DGKH: variants seen among roughly 807,000 people sequenced by gnomAD.
The protein encoded by DGKH is DAG kinase eta.
Under a neutral mutation model 159.3 loss-of-function variants are expected in DGKH, and 90 were observed. The observed-to-expected ratio is 0.57, with a 90% CI of 0.48 to 0.67. The LOEUF is 0.67. DGKH is among the 30% of genes least tolerant of loss of function. DGKH has a pLI of 0.00. For synonymous variants in DGKH, 536 were observed against 553.8 expected, an observed-to-expected ratio of 0.97 and a Z score of 0.45; for missense variants, 1,181 against 1,506.1, an observed-to-expected ratio of 0.78 and a Z score of 3.57.
chr13:42,114,870 A>T (rs1161270640), intron 1 of DGKH, among the ~76,000 whole-genome samples: 1 of 152,214 alleles, frequency 6.6e-6, no homozygotes. Context: ...ACTTTGTATC[A>T]GTCCCACTAA....
intron 30 of DGKH, chr13:42,252,521 G>A (rs903129234): frequency 2.0e-5 from 3 of 152,474 alleles, no homozygotes; most frequent in Admixed American, 1.3e-4. Context: ...TATCCCAAGC[G>A]AATGAATTGG....
chr13:42,227,428 A>C (rs1373401866), intron 29 of DGKH, among the ~76,000 whole-genome samples: 1 of 152,178 alleles, frequency 6.6e-6, no homozygotes, highest in Non-Finnish European at 1.5e-5. Context: ...AAAATATTTA[A>C]TATTTAAATA....
At chr13:42,106,763 G>C (rs1954766462) in intron 1 of DGKH, among the ~76,000 whole-genome samples, 1 of 152,156 alleles carries the variant, frequency 6.6e-6, no homozygotes, top group Non-Finnish European at 1.5e-5. Flanking sequence ...GAAAAAAGAG[G>C]CTGGGCGCGG....
At chr13:42,044,882 T>C (rs547584956), upstream of DGKH, among the ~76,000 whole-genome samples, 25 of 152,282 alleles carry the variant, frequency 1.6e-4, no homozygotes, top group African/African-American at 5.5e-4. Context: ...TAGAAAGATA[T>C]TTAGCCAAAC....
Position 42,190,474 on chromosome 13 carries a change from G to C in DGKH, c.1984G>C (p.Asp662His), listed in dbSNP as rs1239498010. ...QSSDYDSTET[D>H]ESKEEAKDDG... ...CTCTGATTATGACAGCACAGAAACA[G>C]ATGAATCTAAGGAGGAAGCTAAAGA... Residue 662 changes from aspartate to histidine, a missense_variant, in exon 16 of 30, where the codon GAT becomes CAT. By Grantham distance (81) the Asp-to-His change is moderately conservative. Transcript: ENST00000337343. 1.9e-6 allele frequency: 3 copies of C among 1,611,574 alleles called. No individual in the cohort carries two copies. The East Asian group carries it at 6.7e-5, about 36-fold the overall frequency.
chr13:42,054,047 G>A (rs9525564), intron 1 of DGKH, among the ~76,000 whole-genome samples: 85,082 of 152,142 alleles, frequency 0.56, 25,141 homozygotes, highest in African/African-American at 0.75. Context: ...GTATATGAAA[G>A]TATTGATTTG....
intron 1 of DGKH, among the ~76,000 whole-genome samples, chr13:42,088,273 G>C (rs1430918544): frequency 6.6e-6 from 1 of 152,146 alleles, no homozygotes; most frequent in African/African-American, 2.4e-5. Flanking sequence ...TTTAAAGGAA[G>C]CTATCTAGGC....
chr13:42,148,816 A>G (rs1955802246), intron 3 of DGKH, among the ~76,000 whole-genome samples: 2 of 151,858 alleles, frequency 1.3e-5, no homozygotes, highest in Admixed American at 1.3e-4. Context: ...CTCTTCTTCA[A>G]TGTGCTCATG....
At chr13:42,092,025 C>T (rs1440495480) in intron 1 of DGKH, among the ~76,000 whole-genome samples, 1 of 152,096 alleles carries the variant, frequency 6.6e-6, no homozygotes, top group Admixed American at 6.5e-5. Flanking sequence ...ATAGTCTTAC[C>T]AGCACTGTAT....
chr13:42,136,661 T>A (rs549425642), intron 3 of DGKH, among the ~76,000 whole-genome samples: 7 of 152,224 alleles, frequency 4.6e-5, no homozygotes, highest in Non-Finnish European at 1.0e-4. Flanking sequence ...ATAGGTAATT[T>A]AATTCATTTA....
chr13:42,111,577 CA>C (rs976001748), intron 1 of DGKH, among the ~76,000 whole-genome samples: 6 of 149,322 alleles, frequency 4.0e-5, no homozygotes, highest in Non-Finnish European at 1.5e-5. Context: ...GACTCCATCT[CA>C]AAAAAAAATA....
At chr13:42,116,716 CAG>C (rs1042870056) in intron 1 of DGKH, among the ~76,000 whole-genome samples, 14 of 152,192 alleles carry the variant, frequency 9.2e-5, no homozygotes, top group African/African-American at 2.9e-4. Context: ...ACTTGTGACA[CAG>C]AGGCGTTTCT....
chr13:42,090,164 A>G (rs1954389354), intron 1 of DGKH, among the ~76,000 whole-genome samples: 1 of 152,204 alleles, frequency 6.6e-6, no homozygotes, highest in African/African-American at 2.4e-5. Flanking sequence ...GCATCTGAGG[A>G]GGGAAAACTG....
chr13:42,219,595 A>G, intron 27 of DGKH, 91 bp from the exon 28 acceptor site: 1 of 1,315,590 alleles, frequency 7.6e-7, no homozygotes, highest in Non-Finnish European at 1.0e-6. Context: ...TTTAGTGTTT[A>G]TAACTTATTC....
intron 1 of DGKH, among the ~76,000 whole-genome samples, chr13:42,094,427 G>A (rs1954482218): frequency 6.6e-6 from 1 of 152,034 alleles, no homozygotes. Context: ...ATAAATTAGA[G>A]TTGGGCTTGG....
chr13:42,048,476 C>T (rs936667808), upstream of DGKH, among the ~76,000 whole-genome samples: 3 of 152,116 alleles, frequency 2.0e-5, no homozygotes, highest in Admixed American at 1.3e-4. The surrounding 1 kb of genome is among the most constrained non-coding windows in gnomAD (Gnocchi z 6.7). Flanking sequence ...CCTCTCTACC[C>T]GCGCTGGTCC....
At chr13:42,148,915 C>T (rs1345350694) in intron 3 of DGKH, among the ~76,000 whole-genome samples, 1 of 150,552 alleles carries the variant, frequency 6.6e-6, no homozygotes, top group Non-Finnish European at 1.5e-5. Flanking sequence ...CTTACTTGGC[C>T]TTCCCACCCA....
chr13:42,074,795 G>A (rs949651732), intron 1 of DGKH, among the ~76,000 whole-genome samples: 2 of 152,010 alleles, frequency 1.3e-5, no homozygotes, highest in African/African-American at 4.8e-5. Flanking sequence ...TATCTAGTGT[G>A]GTTATCTAAT....
Position 42,151,621 on chromosome 13 carries a change from G to GA in DGKH, c.385-3666dup, listed in dbSNP as rs576270630. Among the ~76,000 whole-genome samples the GA allele has an allele frequency of 3.3e-3, 432 of 130,056 alleles. 3 individuals carry two copies. The highest frequency in any genetic ancestry group is 0.012 in the African/African-American group (420 of 35,464). 85.3% of individuals were successfully genotyped at this position (130,056 alleles called of 152,430 possible). On this transcript the variant is annotated intron_variant, in intron 3 of 29. Transcript: ENST00000337343. Reference sequence around the variant, plus strand: ...CACACACACACACACACACCCCATGGAAAACTACTCAGTCATAAAAAAGAA... The same window carrying GA: ...CACACACACACACACACACCCCATGGAAAAACTACTCAGTCATAAAAAAGAA...
Sources: gnomAD v4.1 joint callset for allele counts (sites outside exome capture counted in the v4.1 genomes callset) on GRCh38, gnomAD v4.1.1 for gene constraint, Gnocchi (gnomAD v3.1) non-coding constraint, MANE v1.5 for transcripts, NCBI Gene and HGNC (gene_info 2026-07-23, HGNC 2026-07-21) for gene names.